The following SV2C variants were observed in gnomAD, a reference collection of about 807,000 sequenced individuals.
SV2C encodes the protein solute carrier family 22 member B3.
Under a neutral mutation model 79.7 loss-of-function variants are expected in SV2C, and 49 were observed. The ratio of observed to expected loss-of-function variants is 0.61; its 90% CI spans 0.49 to 0.78. SV2C has a LOEUF of 0.78. Ranked by LOEUF, SV2C falls within the 30% of genes least tolerant of loss-of-function variation. The pLI, the probability that SV2C is intolerant of heterozygous loss-of-function variation, is 0.00. For missense variants in SV2C, 833 were observed against 912.9 expected (o/e 0.91, Z 1.13); for synonymous variants, 334 against 333.2 (o/e 1.00, Z -0.03).
At chr5:75,954,965 T>C in the SV2C span, among the ~76,000 whole-genome samples, 172 of 148,910 alleles carry the variant, frequency 1.2e-3, no homozygotes, top group East Asian at 0.03. Flanking sequence ...AATGGCCATA[T>C]TGCCCAAGGT....
chr5:76,193,780 G>A (rs941617607), intron 2 of SV2C, among the ~76,000 whole-genome samples: 1 of 152,130 alleles, frequency 6.6e-6, no homozygotes, highest in African/African-American at 2.4e-5. Context: ...GCCACTTACT[G>A]TCTGTTAGAT....
intron 12 of SV2C, among the ~76,000 whole-genome samples, chr5:76,321,794 C>A (rs1748838487): frequency 6.7e-6 from 1 of 150,078 alleles, no homozygotes; most frequent in Admixed American, 6.6e-5. Context: ...ATCACTTGTT[C>A]ATGTGTACTA....
intron 12 of SV2C, among the ~76,000 whole-genome samples, chr5:76,302,352 T>C (rs1027556001): frequency 3.2e-4 from 49 of 152,108 alleles, no homozygotes; most frequent in Admixed American, 1.9e-3. Context: ...GTGCTGGGCC[T>C]AGTGGGACAT....
intron 2 of SV2C, among the ~76,000 whole-genome samples, chr5:76,169,547 T>C (rs888827110): frequency 1.3e-5 from 2 of 152,224 alleles, no homozygotes; most frequent in Admixed American, 6.5e-5. Flanking sequence ...ATAAAACTGT[T>C]ATGTTTCTCA....
chr5:76,108,981 G>C (rs1364009910), intron 1 of SV2C, among the ~76,000 whole-genome samples: 1 of 152,176 alleles, frequency 6.6e-6, no homozygotes, highest in Non-Finnish European at 1.5e-5. Flanking sequence ...AACGAGAGAT[G>C]TGAGTGACTT....
At chr5:76,272,433 A>AT (rs1291232930) in intron 4 of SV2C, among the ~76,000 whole-genome samples, 1 of 152,210 alleles carries the variant, frequency 6.6e-6, no homozygotes, top group Non-Finnish European at 1.5e-5. Flanking sequence ...AATGAGAACC[A>AT]TGCAGTTGTT....
Position 76,291,261 on chromosome 5 carries a change from T to C in SV2C, c.1178T>C (p.Ile393Thr). Residue 393 changes from isoleucine (I) to threonine (T), a missense_variant, in exon 7 of 13, where the codon ATT becomes ACT. Coordinates refer to ENST00000502798, the MANE Select transcript of SV2C (RefSeq NM_014979.4). ...ACTCCTAAACAAATAGATGAGCTGA[T>C]TGAAATTGAGAGTGACACAGGAACA... is the stretch of plus-strand genomic sequence containing the variant. ...IKTPKQIDELIEIESDTGTWY... is the reference protein window; with the variant it reads ...IKTPKQIDELTEIESDTGTWY... 6.2e-7 allele frequency: 1 copy of C among 1,613,222 alleles called. No homozygotes were observed. The highest frequency in any genetic ancestry group is 8.5e-7 in the Non-Finnish European group (1 of 1,179,604).
the SV2C span, among the ~76,000 whole-genome samples, chr5:75,943,683 C>A: frequency 6.6e-6 from 1 of 152,174 alleles, no homozygotes; most frequent in Non-Finnish European, 1.5e-5. Flanking sequence ...CCTCTCTTGA[C>A]TTTAGTTTTA....
the SV2C span, among the ~76,000 whole-genome samples, chr5:75,960,889 T>C: frequency 6.6e-6 from 1 of 151,996 alleles, no homozygotes; most frequent in African/African-American, 2.4e-5. Flanking sequence ...TAATACTTCC[T>C]TGTGCTCTAA....
At chr5:76,239,504 C>T (rs1745716700) in intron 4 of SV2C, among the ~76,000 whole-genome samples, 1 of 152,162 alleles carries the variant, frequency 6.6e-6, no homozygotes, top group Non-Finnish European at 1.5e-5. Flanking sequence ...CGCATGATAC[C>T]TGGGGTCTTT....
At chr5:76,067,754 T>C in the SV2C span, among the ~76,000 whole-genome samples, 2 of 152,074 alleles carry the variant, frequency 1.3e-5, no homozygotes, top group African/African-American at 2.4e-5. Flanking sequence ...ACATTTCTTA[T>C]ATATCTTTTA....
chr5:76,210,430 A>T (rs1226831497), intron 4 of SV2C, among the ~76,000 whole-genome samples: 1 of 152,158 alleles, frequency 6.6e-6, no homozygotes, highest in African/African-American at 2.4e-5. Flanking sequence ...AACAACTCTC[A>T]TTCACCAGTT....
intron 12 of SV2C, among the ~76,000 whole-genome samples, chr5:76,315,105 C>T (rs1286529747): frequency 1.3e-5 from 2 of 151,868 alleles, no homozygotes; most frequent in African/African-American, 4.8e-5. Flanking sequence ...GTAGGTGAGT[C>T]CTTCTCCACT....
At chr5:75,906,124 T>A in the SV2C span, among the ~76,000 whole-genome samples, 5 of 151,892 alleles carry the variant, frequency 3.3e-5, no homozygotes, top group Non-Finnish European at 7.4e-5. Context: ...AGCAGAGGCA[T>A]TCCCAGTAGA....
At chr5:76,142,682 T>G (rs987289122) in intron 2 of SV2C, among the ~76,000 whole-genome samples, 1 of 152,206 alleles carries the variant, frequency 6.6e-6, no homozygotes, top group Non-Finnish European at 1.5e-5. Context: ...AGTTGGCATG[T>G]TTTCCCCAAA....
At chr5:75,986,403 C>T in the SV2C span, among the ~76,000 whole-genome samples, 3 of 151,758 alleles carry the variant, frequency 2.0e-5, no homozygotes, top group Non-Finnish European at 2.9e-5. Context: ...TACAAGCCAA[C>T]TAGTACAGGT....
At chr5:76,026,045 C>T in the SV2C span, among the ~76,000 whole-genome samples, 2 of 152,204 alleles carry the variant, frequency 1.3e-5, no homozygotes, top group South Asian at 2.1e-4. Flanking sequence ...GGCATCCTAT[C>T]CATCACCTCC....
Position 76,295,953 on chromosome 5 carries a change from T to C in SV2C, c.1502+11T>C, listed in dbSNP as rs769784737. The C allele has an allele frequency of 1.3e-6, 2 of 1,553,652 alleles. No homozygotes were observed. The highest frequency in any genetic ancestry group is 2.0e-5 in the Admixed American group (1 of 49,204). ...ATACGACAATGGCAGGTCTAGAAAC[T>C]TGAAATAATTTAATTTGCTACCTAT... On this transcript the variant is annotated intron_variant, in intron 9 of 12. Transcript: ENST00000502798.
the SV2C span, among the ~76,000 whole-genome samples, chr5:75,872,269 A>T: frequency 0.12 from 18,847 of 151,602 alleles, 1,389 homozygotes; most frequent in African/African-American, 0.22. Context: ...CCCTGAATAA[A>T]TAAAAAGATT....
Sources: gnomAD v4.1 joint callset for allele counts (sites outside exome capture counted in the v4.1 genomes callset) on GRCh38, gnomAD v4.1.1 for gene constraint, MANE v1.5 for transcripts, NCBI Gene and HGNC (gene_info 2026-07-23, HGNC 2026-07-21) for gene names.